The following SEPTIN11 variants were observed in gnomAD, a reference collection of about 807,000 sequenced individuals.
SEPTIN11 encodes septin 11, also known as septin-11.
SEPTIN11 carries 25 observed loss-of-function variants against 51.4 expected under a neutral mutation model. The observed-to-expected ratio is 0.49, with a 90% CI of 0.35 to 0.68. The LOEUF is 0.68. Among genes scored for constraint, SEPTIN11 ranks in the 30% least tolerant of loss-of-function variants. The probability of loss-of-function intolerance (pLI) is 0.00; values close to 1 mark genes in which losing one functional copy is unlikely to be tolerated. For missense variants in SEPTIN11, 381 were observed against 520.8 expected, an observed-to-expected ratio of 0.73 and a Z score of 2.61; for synonymous variants, 174 against 184.1, an observed-to-expected ratio of 0.95 and a Z score of 0.44.
intron 4 of SEPTIN11, among the ~76,000 whole-genome samples, chr4:77,012,756 C>A (rs933663140): frequency 1.3e-5 from 2 of 152,204 alleles, no homozygotes; most frequent in African/African-American, 2.4e-5. Flanking sequence ...GAAGATCAGC[C>A]TGTCCCCAAG....
chr4:76,953,809 T>A (rs991751913), intron 1 of SEPTIN11, among the ~76,000 whole-genome samples: 2 of 152,242 alleles, frequency 1.3e-5, no homozygotes, highest in Admixed American at 6.5e-5. Context: ...TAAATTATCA[T>A]CTTTAAAAAT....
chr4:76,988,748 A>G (rs545808305), intron 1 of SEPTIN11, among the ~76,000 whole-genome samples: 66 of 152,370 alleles, frequency 4.3e-4, no homozygotes, highest in African/African-American at 1.5e-3. Context: ...AGCCAAACAA[A>G]AAGAAATTGC....
Position 76,958,873 on chromosome 4 carries a change from G to A in SEPTIN11, c.27+8943G>A, listed in dbSNP as rs148742378. On this transcript the variant is annotated intron_variant, in intron 1 of 9. Transcript: ENST00000264893. The stretch of plus-strand genomic sequence containing the variant: ...AAACATGATTAGACTAATTCATTAT[G>A]GTGGCTTCAAGCTTTTCCTTATTGG... The A allele has an allele frequency of 9.9e-5, 148 of 1,492,770 alleles. No individual in the cohort carries two copies. The East Asian group carries it at 3.0e-3, about 31-fold the overall frequency. 92.5% of individuals were successfully genotyped at this position (1,492,770 alleles called of 1,614,324 possible).
At chr4:77,021,834 G>A (rs1461931170) in intron 7 of SEPTIN11, among the ~76,000 whole-genome samples, 1 of 152,196 alleles carries the variant, frequency 6.6e-6, no homozygotes, top group African/African-American at 2.4e-5. Context: ...GTTTAGGAAT[G>A]CCTGGGCTTG....
intron 1 of SEPTIN11, among the ~76,000 whole-genome samples, chr4:76,963,665 T>TA (rs1303790293): frequency 3.3e-5 from 5 of 152,256 alleles, no homozygotes; most frequent in Non-Finnish European, 2.9e-5. Flanking sequence ...ATTTTTATTT[T>TA]GTTTAATTTT....
rs1430429091 is a variant in SEPTIN11, at chr4:76,996,475, C to T, written c.78C>T (p.Ser26=). 1 of 1,614,114 alleles carries T rather than the reference C, an allele frequency of 6.2e-7. No individual in the cohort carries two copies. Among genetic ancestry groups the T allele is most frequent in the Non-Finnish European group, 8.5e-7 (1 of 1,179,960 alleles). Residue 26 remains serine, a synonymous_variant, in exon 2 of 10, where the codon AGC becomes AGT. Coordinates refer to ENST00000264893, the MANE Select transcript of SEPTIN11 (RefSeq NM_018243.4). ...LSLSGHVGFD[S]LPDQLVNKST... is the part of the protein sequence containing the mutation. ...TGTCTGGCCATGTGGGATTTGACAGCCTCCCTGACCAGCTGGTCAACAAGT... is the reference window on the plus strand; with the variant it reads ...TGTCTGGCCATGTGGGATTTGACAGTCTCCCTGACCAGCTGGTCAACAAGT...
chr4:77,006,222 G>A (rs1724470376), intron 3 of SEPTIN11, among the ~76,000 whole-genome samples: 1 of 152,110 alleles, frequency 6.6e-6, no homozygotes, highest in African/African-American at 2.4e-5. Flanking sequence ...GTCTCTAGAA[G>A]CTCCACCAAA....
At chr4:77,031,547 A>G (rs1462157305) in intron 9 of SEPTIN11, 4 of 152,166 alleles carry the variant, frequency 2.6e-5, no homozygotes, top group African/African-American at 9.7e-5. Flanking sequence ...CATTCATAAA[A>G]GGTTTTTTTT....
intron 1 of SEPTIN11, among the ~76,000 whole-genome samples, chr4:76,957,563 A>G (rs1721616988): frequency 6.6e-6 from 1 of 152,208 alleles, no homozygotes; most frequent in South Asian, 2.1e-4. Context: ...TGGAACATTC[A>G]TCCTCAATAA....
At chr4:77,027,509 T>C (rs942393921) in intron 7 of SEPTIN11, among the ~76,000 whole-genome samples, 5 of 152,226 alleles carry the variant, frequency 3.3e-5, no homozygotes, top group Non-Finnish European at 7.3e-5. Context: ...CGTATGCTCC[T>C]ATCACCTGAA....
chr4:77,010,878 A>G (rs1455494202), intron 3 of SEPTIN11, among the ~76,000 whole-genome samples: 5 of 152,234 alleles, frequency 3.3e-5, no homozygotes, highest in Admixed American at 3.3e-4. Flanking sequence ...GTTTCCCACA[A>G]TGACCTAATA....
chr4:76,978,293 G>A (rs1722597724), intron 1 of SEPTIN11, among the ~76,000 whole-genome samples: 1 of 152,100 alleles, frequency 6.6e-6, no homozygotes, highest in Non-Finnish European at 1.5e-5. Context: ...CTCCCACGTT[G>A]CTTTCCTTGT....
chr4:77,031,988 T>C (rs1031887372), intron 9 of SEPTIN11: 21 of 152,192 alleles, frequency 1.4e-4, no homozygotes, highest in Non-Finnish European at 2.6e-4. Flanking sequence ...AATTACATTC[T>C]TTAAACATAG....
chr4:76,957,942 A>C (rs1721635584), intron 1 of SEPTIN11, among the ~76,000 whole-genome samples: 1 of 152,184 alleles, frequency 6.6e-6, no homozygotes, highest in South Asian at 2.1e-4. Context: ...GTGAACATAA[A>C]AACACAAAAC....
In SEPTIN11 at chr4:77,035,379, G is replaced by A. The variant is rs977588872; in HGVS notation, c.*867G>A. ...AACACACCTCAGTTTGTTCCCAGTG[G>A]GCTTAGAGGGAGGACCTGATGACTG... is the stretch of plus-strand genomic sequence containing the variant. On this transcript the variant is annotated 3_prime_UTR_variant, in exon 10 of 10. Coordinates refer to ENST00000264893, the MANE Select transcript of SEPTIN11 (RefSeq NM_018243.4). 2 of 985,254 alleles carry A rather than the reference G, an allele frequency of 2.0e-6. No homozygotes were observed. Among genetic ancestry groups the A allele is most frequent in the Admixed American group, 1.2e-4 (2 of 16,262 alleles). The allele number at this position is 985,254 out of a possible 1,614,324, so 61.0% of individuals were successfully genotyped here.
chr4:76,996,419 T>TATGC lies in SEPTIN11; in HGVS notation c.28-6_28-5insATGC. The stretch of plus-strand genomic sequence containing the variant: ...ACACTCAAATCTTTCTCCCCTGAAA[T>TATGC]TGCAGAATGAAGAGCTTCGAAACTT... On this transcript the variant is annotated splice_region_variant and splice_polypyrimidine_tract_variant and intron_variant, in intron 1 of 9. Coordinates refer to ENST00000264893, the MANE Select transcript of SEPTIN11 (RefSeq NM_018243.4). 2 of 1,606,122 alleles carry TATGC rather than the reference T, an allele frequency of 1.2e-6. No individual in the cohort carries two copies. Among genetic ancestry groups the TATGC allele is most frequent in the African/African-American group, 1.3e-5 (1 of 74,906 alleles).
chr4:77,023,709 C>T (rs1380055834), intron 7 of SEPTIN11, among the ~76,000 whole-genome samples: 1 of 152,138 alleles, frequency 6.6e-6, no homozygotes, highest in Admixed American at 6.6e-5. Context: ...CGGCCTTTCC[C>T]TTTGAAGAAT....
At position 76,959,247 on chromosome 4, in the gene SEPTIN11, G is replaced by A. The variant is rs146774988; in HGVS notation, c.27+9317G>A. ...AAAGCACTGGACTGAGCTTGGACAA[G>A]ACAAGGTTTTTTTTTTTTTTTAAAA... On this transcript the variant is annotated intron_variant, in intron 1 of 9. Coordinates refer to ENST00000264893, the MANE Select transcript of SEPTIN11 (RefSeq NM_018243.4). The A allele has an allele frequency of 2.4e-3, 390 of 164,994 alleles. 1 individual carries two copies. Among genetic ancestry groups the A allele is most frequent in the African/African-American group, 9.0e-3 (369 of 40,978 alleles). The allele number at this position is 164,994 out of a possible 1,614,324, so 10.2% of individuals were successfully genotyped here.
At chr4:77,028,788 A>G in intron 8 of SEPTIN11, 27 bp downstream of exon 8, 1 of 1,590,082 alleles carries the variant, frequency 6.3e-7, no homozygotes, top group Non-Finnish European at 8.5e-7. Flanking sequence ...GCTTCAAGGG[A>G]AAGATTTGTA....
Sources: gnomAD v4.1 joint callset for allele counts (sites outside exome capture counted in the v4.1 genomes callset) on GRCh38, gnomAD v4.1.1 for gene constraint, MANE v1.5 for transcripts, NCBI Gene and HGNC (gene_info 2026-07-23, HGNC 2026-07-21) for gene names.